Variants in RUFY1 observed in about 807,000 individuals in gnomAD.
RUFY1 encodes the protein RUN and FYVE domain-containing protein 1.
RUFY1 carries 54 observed loss-of-function variants against 94.6 expected under a neutral mutation model. The observed-to-expected ratio is 0.57, with a 90% CI of 0.46 to 0.72. The LOEUF is 0.72. Among genes scored for constraint, RUFY1 ranks in the 30% least tolerant of loss-of-function variants. The pLI is 0.00. For missense variants in RUFY1, 883 were observed against 883.9 expected (o/e 1.00, Z 0.01); for synonymous variants, 396 against 347.3 (o/e 1.14, Z -1.56).
In RUFY1 at chr5:179,581,050, C is replaced by T. The variant is rs911714122; in HGVS notation, c.956+38C>T. ...TTTTTTTCAATGTGACAGTTACATA[C>T]TCGGTATCCTGTCATTGCTTCATGG... On this transcript the variant is annotated intron_variant, in intron 7 of 17. Coordinates refer to ENST00000319449, the MANE Select transcript of RUFY1 (RefSeq NM_025158.5). The T allele has an allele frequency of 3.2e-6, 4 of 1,263,082 alleles. No individual in the cohort carries two copies. In the African/African-American group the frequency reaches 4.5e-5, roughly 14 times the overall value. The allele number at this position is 1,263,082 out of a possible 1,614,324, so 78.2% of individuals were successfully genotyped here. A position where few individuals can be genotyped will look rare whatever the true frequency, so the allele number is the denominator to read the frequency against.
intron 3 of RUFY1, among the ~76,000 whole-genome samples, chr5:179,564,996 TAAA>T (rs1762726983): frequency 7.6e-6 from 1 of 132,262 alleles, no homozygotes; most frequent in East Asian, 4.2e-4. Flanking sequence ...AATTTTTTTG[TAAA>T]AAGAGAGAGA....
intron 4 of RUFY1, among the ~76,000 whole-genome samples, chr5:179,568,232 C>T (rs1459545587): frequency 2.0e-5 from 3 of 152,146 alleles, no homozygotes; most frequent in Non-Finnish European, 4.4e-5. Context: ...GGCAACAGAG[C>T]AAGACTCTGT....
chr5:179,603,680 T>C (rs1249460903), intron 15 of RUFY1: 1 of 152,250 alleles, frequency 6.6e-6, no homozygotes, highest in African/African-American at 2.4e-5. Flanking sequence ...CCTCTTTACA[T>C]TGGATGGACA....
intron 5 of RUFY1, chr5:179,572,772 T>TAGGG (rs1398622464): frequency 1.3e-5 from 2 of 155,722 alleles, no homozygotes; most frequent in Non-Finnish European, 2.9e-5. Context: ...CTTGTGCCCC[T>TAGGG]ACTGGGTACC....
intron 1 of RUFY1, chr5:179,555,910 C>T (rs1009417542): frequency 4.7e-6 from 1 of 210,578 alleles, no homozygotes; most frequent in African/African-American, 2.4e-5. Context: ...AAACTCCTGA[C>T]CTCAAGTGAC....
intron 17 of RUFY1, 145 bp downstream of exon 17, chr5:179,607,804 C>A (rs1353120867): frequency 1.4e-6 from 1 of 698,618 alleles, no homozygotes; most frequent in African/African-American, 1.8e-5. Context: ...CCCCGCCTCT[C>A]CTGTTTGCCT....
intron 6 of RUFY1, among the ~76,000 whole-genome samples, chr5:179,580,301 G>GAT (rs1764038121): frequency 6.7e-6 from 1 of 148,430 alleles, no homozygotes; most frequent in Non-Finnish European, 1.5e-5. Context: ...GGAGTGCAGT[G>GAT]GCGCCATCTC....
intron 8 of RUFY1, 93 bp downstream of exon 8, chr5:179,585,958 CTGGT>C: frequency 9.9e-7 from 1 of 1,008,766 alleles, no homozygotes; most frequent in Non-Finnish European, 1.6e-6. Flanking sequence ...GAGCTTCCTG[CTGGT>C]AGGAAGGGGA....
At chr5:179,567,086 G>A (rs11958537) in intron 3 of RUFY1, among the ~76,000 whole-genome samples, 2 of 151,926 alleles carry the variant, frequency 1.3e-5, no homozygotes, top group Admixed American at 6.6e-5. Context: ...TAAAAAGTAC[G>A]TTTGAGCTAA....
rs1404331335 is a variant in RUFY1, at chr5:179,598,748, G to A, written c.1688G>A (p.Arg563His). The change falls in exon 14 of 18, where the codon CGC becomes CAC. Residue 563 changes from arginine to histidine, a missense_variant. Coordinates refer to ENST00000319449, the MANE Select transcript of RUFY1 (RefSeq NM_025158.5). ...AAAGAGCAAAGACAGGCTCTTCAGC[G>A]CGAATTACAGCACGAGAAAGACACT... ...SEKEQRQALQ[R>H]ELQHEKDTSS... is the part of the protein sequence containing the mutation. 1.2e-5 allele frequency: 19 copies of A among 1,614,090 alleles called. No homozygotes were observed. The highest frequency in any genetic ancestry group is 3.3e-5 in the South Asian group (3 of 91,086).
chr5:179,553,455 A>C (rs1761955177), intron 1 of RUFY1, among the ~76,000 whole-genome samples: 1 of 152,202 alleles, frequency 6.6e-6, no homozygotes, highest in South Asian at 2.1e-4. Context: ...TAACTTCACC[A>C]ACTGCAAAAT....
chr5:179,580,241 G>GTGTGTATATATATA lies in RUFY1; in HGVS notation c.891-705_891-704insGTGTATATATATAT, dbSNP rs149099074. Among the ~76,000 whole-genome samples the GTGTGTATATATATA allele has an allele frequency of 1.4e-3, 134 of 93,872 alleles. No individual in the cohort carries two copies. In the East Asian group the frequency reaches 0.03, roughly 21 times the overall value. 61.6% of individuals were successfully genotyped at this position (93,872 alleles called of 152,430 possible). On this transcript the variant is annotated intron_variant, in intron 6 of 17. Transcript: ENST00000319449. ...TGTGTGTGTGTGTGTGTGTGTGTGT[G>GTGTGTATATATATA]TATATTTTTTTTTTTTTTTGAGACG...
At chr5:179,585,981 C>T in intron 8 of RUFY1, 116 bp downstream of exon 8, 3 of 767,030 alleles carry the variant, frequency 3.9e-6, no homozygotes, top group Non-Finnish European at 6.8e-6. Context: ...GACTTGCTAG[C>T]CTCCAGCTAC....
chr5:179,593,964 A>G (rs1044282980), intron 11 of RUFY1, among the ~76,000 whole-genome samples: 3 of 150,622 alleles, frequency 2.0e-5, no homozygotes, highest in African/African-American at 4.9e-5. Flanking sequence ...GTTTTCTTCT[A>G]TTTCAACGAT....
chr5:179,577,890 A>G (rs530609435), intron 6 of RUFY1, among the ~76,000 whole-genome samples: 1 of 151,634 alleles, frequency 6.6e-6, no homozygotes, highest in East Asian at 1.9e-4. Context: ...ATTCTGGCAA[A>G]GAACACTTTT....
chr5:179,608,187 G>C, intron 17 of RUFY1: 1 of 524,164 alleles, frequency 1.9e-6, no homozygotes, highest in African/African-American at 2.1e-5. Context: ...CTGGGTAGGG[G>C]AAGAGTTGGG....
At chr5:179,554,619 G>A (rs1426656043) in intron 1 of RUFY1, among the ~76,000 whole-genome samples, 1 of 151,878 alleles carries the variant, frequency 6.6e-6, no homozygotes, top group East Asian at 1.9e-4. Flanking sequence ...TTTGGTTTTG[G>A]GGGATTTTTT....
rs1274019381 is a variant in RUFY1, at chr5:179,609,551, CAG to C, written c.*33_*34del. The C allele has an allele frequency of 6.4e-7, 1 of 1,562,012 alleles. No individual in the cohort carries two copies. Among genetic ancestry groups the C allele is most frequent in the African/African-American group, 1.4e-5 (1 of 73,880 alleles). ...GTCCTCAGGAGCACAGCCTCACGGA[CAG>C]TGCCAAACCCTGTGGGTCTCCAGGG... On this transcript the variant is annotated 3_prime_UTR_variant, in exon 18 of 18. Coordinates refer to ENST00000319449, the MANE Select transcript of RUFY1 (RefSeq NM_025158.5).
At chr5:179,599,981 C>T (rs1315069073) in intron 14 of RUFY1, 1 of 152,266 alleles carries the variant, frequency 6.6e-6, no homozygotes, top group African/African-American at 2.4e-5. Flanking sequence ...GGAGAGCTTC[C>T]TCAAGAGCCA....
Sources: gnomAD v4.1 joint callset for allele counts (sites outside exome capture counted in the v4.1 genomes callset) on GRCh38, gnomAD v4.1.1 for gene constraint, MANE v1.5 for transcripts, NCBI Gene and HGNC (gene_info 2026-07-23, HGNC 2026-07-21) for gene names.